Variants in C10orf105 observed in about 807,000 individuals in gnomAD.
The protein encoded by C10orf105 is uncharacterized protein C10orf105.
In C10orf105, 2 loss-of-function variants were observed where a neutral mutation model predicts 0.6. That is an observed-to-expected ratio of 3.18 (90% confidence interval 1.30 to 10.01). C10orf105 has a LOEUF of 10.01. Among genes scored for constraint, C10orf105 ranks in the 30% most tolerant of loss-of-function variants. The probability of loss-of-function intolerance (pLI) is 0.04; values close to 1 mark genes in which losing one functional copy is unlikely to be tolerated. For missense variants in C10orf105, 209 were observed against 191.4 expected, an observed-to-expected ratio of 1.09 and a Z score of -0.54; for synonymous variants, 95 against 82.4, an observed-to-expected ratio of 1.15 and a Z score of -0.83.
chr10:71,732,190 C>G (rs1839413510), intron 1 of C10orf105: 3 of 1,613,926 alleles, frequency 1.9e-6, no homozygotes, highest in Non-Finnish European at 2.5e-6. Context: ...GCTCAACGAG[C>G]TGGACGAGGC....
chr10:71,732,376 G>T lies in C10orf105; in HGVS notation c.-6+5352C>A, dbSNP rs2132826354. 6.4e-7 allele frequency: 1 copy of T among 1,558,322 alleles called. No individual in the cohort carries two copies. ...CCTCTTCAAGATAGACGCCATCACG[G>T]TGAGGGGCTGGGGGCAGGGAGCACC... On this transcript the variant is annotated intron_variant, in intron 1 of 1. Transcript: ENST00000398786.
chr10:71,723,733 G>A (rs1278683968), upstream of C10orf105, among the ~76,000 whole-genome samples: 2 of 152,202 alleles, frequency 1.3e-5, no homozygotes, highest in Non-Finnish European at 2.9e-5. Context: ...AACAGCCTGA[G>A]AAAGCCTGGA....
chr10:71,729,275 C>T (rs1866954662), intron 1 of C10orf105, among the ~76,000 whole-genome samples: 1 of 143,874 alleles, frequency 7.0e-6, no homozygotes, highest in East Asian at 1.9e-4. Context: ...GGATGGGGGC[C>T]TCAGAAGCAA....
chr10:71,729,947 C>G (rs1227066), intron 1 of C10orf105, among the ~76,000 whole-genome samples: 124,972 of 151,796 alleles, frequency 0.82, 51,499 homozygotes, highest in African/African-American at 0.86. Context: ...CCATTCTCCT[C>G]CCTCAGCCTC....
upstream of C10orf105, among the ~76,000 whole-genome samples, chr10:71,720,035 C>T (rs1322818865): frequency 2.0e-5 from 3 of 152,220 alleles, no homozygotes; most frequent in South Asian, 4.1e-4. Flanking sequence ...GGCCCCATGG[C>T]GCTCACCTTC....
chr10:71,715,993 C>G lies in C10orf105; in HGVS notation c.345G>C (p.Leu115=). The G allele has an allele frequency of 6.7e-7, 1 of 1,497,010 alleles. No homozygotes were observed. The highest frequency in any genetic ancestry group is 8.9e-7 in the Non-Finnish European group (1 of 1,122,674). 92.7% of individuals were successfully genotyped at this position (1,497,010 alleles called of 1,614,324 possible). ...GGCTGCGGTTGTCCTCGGGGCCCGGCAGGGGCTGTCGAGGGACGGTGGGCC... is the reference window on the plus strand; with the variant it reads ...GGCTGCGGTTGTCCTCGGGGCCCGGGAGGGGCTGTCGAGGGACGGTGGGCC... The part of the protein sequence containing the change: ...HGRPTVPRQP[L]PGPEDNRSHC... Residue 115 remains leucine (L), a synonymous_variant, in exon 2 of 2, where the codon CTG becomes CTC. Coordinates refer to ENST00000441508, the MANE Select transcript of C10orf105 (RefSeq NM_001164375.3).
chr10:71,734,307 C>T (rs1839488999), intron 1 of C10orf105: 8 of 1,611,756 alleles, frequency 5.0e-6, no homozygotes, highest in Non-Finnish European at 6.8e-6. Context: ...ACAGTGGTGG[C>T]AGATGACGGC....
Position 71,716,091 on chromosome 10 carries a change from T to C in C10orf105, c.247A>G (p.Ser83Gly). The change falls in exon 2 of 2, where the codon AGT becomes GGT. Residue 83 changes from serine to glycine, a missense_variant. Transcript: ENST00000441508. ...ECMPHHPGSP[S>G]EPQLRLWKRL... is the part of the protein sequence containing the mutation. ...TTCCAGAGCCGGAGCTGGGGCTCAC[T>C]GGGGCTCCCAGGGTGGTGGGGCATG... The C allele has an allele frequency of 3.3e-6, 5 of 1,532,384 alleles. No homozygotes were observed. The highest frequency in any genetic ancestry group is 4.4e-6 in the Non-Finnish European group (5 of 1,136,140). 94.9% of individuals were successfully genotyped at this position (1,532,384 alleles called of 1,614,324 possible).
At chr10:71,722,430 T>A (rs1194039989), upstream of C10orf105, among the ~76,000 whole-genome samples, 1 of 152,150 alleles carries the variant, frequency 6.6e-6, no homozygotes, top group East Asian at 1.9e-4. Flanking sequence ...GGCTGAATGT[T>A]GTATGTGTCC....
upstream of C10orf105, among the ~76,000 whole-genome samples, chr10:71,722,869 A>G (rs1866621506): frequency 6.6e-6 from 1 of 152,098 alleles, no homozygotes; most frequent in Non-Finnish European, 1.5e-5. Flanking sequence ...TTAAGAGGAG[A>G]GAGTGGTGGG....
chr10:71,721,561 C>G (rs1234020615), upstream of C10orf105, among the ~76,000 whole-genome samples: 1 of 152,166 alleles, frequency 6.6e-6, no homozygotes, highest in Non-Finnish European at 1.5e-5. Context: ...AGTGACAAAG[C>G]CTAAATTCAT....
At chr10:71,735,208 G>A (rs1049632215) in intron 1 of C10orf105, among the ~76,000 whole-genome samples, 4 of 152,220 alleles carry the variant, frequency 2.6e-5, no homozygotes, top group Non-Finnish European at 5.9e-5. Context: ...GTTGGTGCAA[G>A]TGTGTGGGGT....
At chr10:71,723,225 A>C (rs1564758089), upstream of C10orf105, among the ~76,000 whole-genome samples, 1 of 152,164 alleles carries the variant, frequency 6.6e-6, no homozygotes. Flanking sequence ...CTCTTCCTGC[A>C]CTGCCCTGGG....
intron 1 of C10orf105, chr10:71,730,702 AG>A: frequency 3.3e-6 from 5 of 1,530,498 alleles, no homozygotes; most frequent in Non-Finnish European, 4.4e-6. Context: ...CTGATGCTTC[AG>A]GCTCCCCATT....
At chr10:71,737,248 A>G (rs75717979) in intron 1 of C10orf105, among the ~76,000 whole-genome samples, 3,295 of 152,324 alleles carry the variant, frequency 0.022, 215 homozygotes, top group East Asian at 0.19. Flanking sequence ...GGCAGGAAGC[A>G]GGAACAGGGA....
chr10:71,734,638 T>A, intron 1 of C10orf105: 1 of 1,500,504 alleles, frequency 6.7e-7, no homozygotes, highest in Non-Finnish European at 9.0e-7. Flanking sequence ...CCCCTCCTGC[T>A]GCTGCCTCTG....
chr10:71,716,292 G>A lies in C10orf105; in HGVS notation c.46C>T (p.Pro16Ser), dbSNP rs1310239899. ...ACGGGAGCTGAGAGAAAGGCGAGGG[G>A]GCTGATGGCTGGGGAGCTGGCGAGG... ...PSLASSPAISPLAFLSAPVTP... is the reference protein window; with the variant it reads ...PSLASSPAISSLAFLSAPVTP... Residue 16 changes from proline to serine, a missense_variant, in exon 2 of 2, where the codon CCC (proline) becomes TCC (serine). Transcript: ENST00000441508. The A allele has an allele frequency of 2.0e-6, 3 of 1,520,754 alleles. No homozygotes were observed. The highest frequency in any genetic ancestry group is 2.7e-6 in the Non-Finnish European group (3 of 1,129,588). 94.2% of individuals were successfully genotyped at this position (1,520,754 alleles called of 1,614,324 possible). A position where few individuals can be genotyped will look rare whatever the true frequency, so the allele number is the denominator to read the frequency against.
Position 71,715,643 on chromosome 10 carries a change from T to C in C10orf105, c.*293A>G, listed in dbSNP as rs1479615616. ...TAGGAGGTGGTTACGAGCCCCAGGT[T>C]GTACCCTGTGGAGCCTCAGGCCAAA... On this transcript the variant is annotated 3_prime_UTR_variant, in exon 2 of 2. Transcript: ENST00000441508. 6.5e-5 allele frequency: 19 copies of C among 293,112 alleles called. No individual in the cohort carries two copies. The allele number at this position is 293,112 out of a possible 1,614,324, so 18.2% of individuals were successfully genotyped here. A position where few individuals can be genotyped will look rare whatever the true frequency, so the allele number is the denominator to read the frequency against.
At chr10:71,733,780 G>C (rs999935993) in intron 1 of C10orf105, among the ~76,000 whole-genome samples, 1 of 152,212 alleles carries the variant, frequency 6.6e-6, no homozygotes, top group Non-Finnish European at 1.5e-5. Context: ...CTTTGCTTTA[G>C]TGTATCTTTT....
Sources: allele counts gnomAD v4.1 joint callset (sites outside exome capture counted in the v4.1 genomes callset), GRCh38; gene constraint gnomAD v4.1.1; transcripts MANE v1.5; gene names NCBI Gene and HGNC (gene_info 2026-07-23, HGNC 2026-07-21).